IL15: variants seen among roughly 807,000 people sequenced by gnomAD.
The protein encoded by IL15 is interleukin 15.
A neutral mutation model predicts 19.6 loss-of-function variants in IL15; 11 were observed. The observed-to-expected ratio is 0.56, with a 90% CI of 0.35 to 0.93. The LOEUF is 0.93. IL15 is among the 40% of genes least tolerant of loss of function. The pLI, the probability that IL15 is intolerant of heterozygous loss-of-function variation, is 0.01. For missense variants in IL15, 197 were observed against 186.5 expected (o/e 1.06, Z -0.33); for synonymous variants, 58 against 59.6 (o/e 0.97, Z 0.12).
At chr4:141,705,599 A>C (rs933207071) in intron 2 of IL15, among the ~76,000 whole-genome samples, 1 of 151,994 alleles carries the variant, frequency 6.6e-6, no homozygotes, top group Non-Finnish European at 1.5e-5. Context: ...CATTTGGTCT[A>C]TGGTATAATT....
intron 5 of IL15, among the ~76,000 whole-genome samples, chr4:141,724,358 GAA>G (rs1358350381): frequency 6.6e-6 from 1 of 151,534 alleles, no homozygotes; most frequent in South Asian, 2.1e-4. Flanking sequence ...GAATACATTA[GAA>G]AAAAAGGAGA....
chr4:141,650,643 T>C (rs898306288), intron 1 of IL15, among the ~76,000 whole-genome samples: 1 of 152,124 alleles, frequency 6.6e-6, no homozygotes, highest in Non-Finnish European at 1.5e-5. Flanking sequence ...ATTATTCTCT[T>C]CTTGAAAATT....
chr4:141,650,609 A>C (rs865984410), intron 1 of IL15, among the ~76,000 whole-genome samples: 3 of 152,080 alleles, frequency 2.0e-5, no homozygotes, highest in South Asian at 2.1e-4. Flanking sequence ...AAAATTGAAC[A>C]ATACATTTAA....
intron 2 of IL15, among the ~76,000 whole-genome samples, chr4:141,690,995 T>G (rs1177284440): frequency 6.6e-6 from 1 of 152,086 alleles, no homozygotes; most frequent in Non-Finnish European, 1.5e-5. Context: ...GGATGTTTCT[T>G]GCATCTAAAA....
At chr4:141,667,471 C>T (rs1728029505) in intron 2 of IL15, among the ~76,000 whole-genome samples, 2 of 152,112 alleles carry the variant, frequency 1.3e-5, no homozygotes, top group Admixed American at 6.6e-5. Flanking sequence ...CAAACTTGGT[C>T]ACAGAAGTTT....
chr4:141,648,486 A>C (rs947307507), intron 1 of IL15, among the ~76,000 whole-genome samples: 2 of 152,048 alleles, frequency 1.3e-5, no homozygotes, highest in Non-Finnish European at 2.9e-5. Context: ...AAGTTATTTC[A>C]GTAGGACAAA....
At chr4:141,727,139 A>C (rs1414481176) in intron 5 of IL15, among the ~76,000 whole-genome samples, 2 of 152,136 alleles carry the variant, frequency 1.3e-5, no homozygotes, top group Non-Finnish European at 2.9e-5. Context: ...GGCATTATAC[A>C]TTTGTCAAAA....
intron 3 of IL15, 146 bp from the exon 4 acceptor site, chr4:141,720,323 T>G (rs1730030239): frequency 3.5e-6 from 2 of 573,080 alleles, no homozygotes; most frequent in East Asian, 6.0e-5. Context: ...AGATAAATTA[T>G]AGTTTTATTA....
intron 1 of IL15, 25 bp downstream of exon 1, chr4:141,636,773 TGGGA>T (rs1310504630): frequency 6.6e-6 from 1 of 152,034 alleles, no homozygotes; most frequent in Non-Finnish European, 1.5e-5. Context: ...TTCTTTGCCT[TGGGA>T]GGGGAGTGGT....
intron 2 of IL15, among the ~76,000 whole-genome samples, chr4:141,688,146 T>A (rs1728770101): frequency 6.6e-6 from 1 of 152,124 alleles, no homozygotes; most frequent in East Asian, 1.9e-4. Flanking sequence ...CCCTGAAGGA[T>A]CATCCTAGCT....
At chr4:141,696,250 A>G (rs180761557) in intron 2 of IL15, among the ~76,000 whole-genome samples, 1 of 152,056 alleles carries the variant, frequency 6.6e-6, no homozygotes, top group East Asian at 1.9e-4. Flanking sequence ...TAGGCATGTG[A>G]ACTTATTTCT....
At chr4:141,641,166 TA>T (rs1727029455) in intron 1 of IL15, among the ~76,000 whole-genome samples, 1 of 152,234 alleles carries the variant, frequency 6.6e-6, no homozygotes, top group African/African-American at 2.4e-5. Flanking sequence ...ATTTTACTGT[TA>T]AAGATTTTCT....
At chr4:141,644,478 T>A (rs1441125693) in intron 1 of IL15, among the ~76,000 whole-genome samples, 1 of 152,170 alleles carries the variant, frequency 6.6e-6, no homozygotes, top group Non-Finnish European at 1.5e-5. Flanking sequence ...AGCTCATGGC[T>A]GGCCAAGCAT....
At chr4:141,666,109 T>TTTATTTATTTA (rs1443132108) in intron 2 of IL15, among the ~76,000 whole-genome samples, 19 of 150,450 alleles carry the variant, frequency 1.3e-4, no homozygotes, top group African/African-American at 4.4e-4. Flanking sequence ...TATTTATTTA[T>TTTATTTATTTA]TTATTTTTTG....
intron 1 of IL15, among the ~76,000 whole-genome samples, chr4:141,648,017 A>G (rs905413938): frequency 6.6e-6 from 1 of 152,078 alleles, no homozygotes; most frequent in East Asian, 1.9e-4. Context: ...CTTGTCTGGC[A>G]CATAGTAGAG....
intron 5 of IL15, among the ~76,000 whole-genome samples, chr4:141,723,454 G>C (rs1364673722): frequency 6.6e-6 from 1 of 152,132 alleles, no homozygotes; most frequent in Non-Finnish European, 1.5e-5. Flanking sequence ...GAAGGCCAGA[G>C]ATTGCCAGGA....
chr4:141,723,818 C>T (rs1730171728), intron 5 of IL15, among the ~76,000 whole-genome samples: 1 of 152,022 alleles, frequency 6.6e-6, no homozygotes, highest in South Asian at 2.1e-4. Flanking sequence ...GTATACACAT[C>T]AAACAACGAA....
chr4:141,708,012 A>C (rs759766248), intron 2 of IL15, among the ~76,000 whole-genome samples: 1 of 152,146 alleles, frequency 6.6e-6, no homozygotes, highest in Non-Finnish European at 1.5e-5. Flanking sequence ...GTCGGGCTGC[A>C]TGTGAATGTT....
intron 2 of IL15, among the ~76,000 whole-genome samples, chr4:141,686,386 C>G (rs1728713736): frequency 6.6e-6 from 1 of 152,032 alleles, no homozygotes; most frequent in Admixed American, 6.6e-5. Context: ...TGAAAGGCTG[C>G]ATATCAAGGT....
Sources: allele counts gnomAD v4.1 joint callset (sites outside exome capture counted in the v4.1 genomes callset), GRCh38; gene constraint gnomAD v4.1.1; transcripts MANE v1.5; gene names NCBI Gene and HGNC (gene_info 2026-07-23, HGNC 2026-07-21).